Variants in SLC2A9 observed in about 807,000 individuals in gnomAD.
The protein encoded by SLC2A9 is solute carrier family 2 member 9, also known as solute carrier family 2, facilitated glucose transporter member 9.
A neutral mutation model predicts 50.6 loss-of-function variants in SLC2A9; 39 were observed. That is an observed-to-expected ratio of 0.77 (90% CI 0.60 to 1.01). The LOEUF (loss-of-function observed/expected upper bound fraction) is 1.01, where lower values mean the gene tolerates loss of function less well. Among genes scored for constraint, SLC2A9 ranks in the 50% least tolerant of loss-of-function variants. The pLI is 0.00. For missense variants in SLC2A9, 686 were observed against 677.6 expected (o/e 1.01, Z -0.14); for synonymous variants, 324 against 276.9 (o/e 1.17, Z -1.69).
intron 1 of SLC2A9, among the ~76,000 whole-genome samples, chr4:10,039,428 C>T (rs191581704): frequency 3.3e-5 from 5 of 152,230 alleles, no homozygotes; most frequent in Admixed American, 1.3e-4. Flanking sequence ...TCCAACAAAA[C>T]CTGTAGTTTC....
At chr4:9,922,609 G>A (rs1394532137) in intron 6 of SLC2A9, among the ~76,000 whole-genome samples, 1 of 152,052 alleles carries the variant, frequency 6.6e-6, no homozygotes, top group Admixed American at 6.5e-5. Context: ...GCAGTCCAAG[G>A]GCCCAGCCAT....
At chr4:9,842,767 TTATG>T (rs1162815731) in intron 10 of SLC2A9, among the ~76,000 whole-genome samples, 1 of 152,198 alleles carries the variant, frequency 6.6e-6, no homozygotes, top group African/African-American at 2.4e-5. Context: ...CCCCAAATAA[TTATG>T]TATGTGGGTC....
chr4:9,819,654 C>T (rs745736591), intron 3 of SLC2A9, among the ~76,000 whole-genome samples: 1 of 152,210 alleles, frequency 6.6e-6, no homozygotes, highest in Non-Finnish European at 1.5e-5. Flanking sequence ...TATCTTTTGG[C>T]CCGGTGTGGT....
At chr4:9,884,071 C>T (rs1156506058) in intron 10 of SLC2A9, among the ~76,000 whole-genome samples, 1 of 152,220 alleles carries the variant, frequency 6.6e-6, no homozygotes, top group East Asian at 1.9e-4. Context: ...TGCATGTGCT[C>T]ATCTACCTGG....
At chr4:9,782,291 C>A (rs148402761) in intron 3 of SLC2A9, 6 of 1,614,016 alleles carry the variant, frequency 3.7e-6, no homozygotes, top group Admixed American at 1.7e-5. Flanking sequence ...CGTGTCAGAC[C>A]TTTTCGTGGC....
At chr4:10,025,797 G>C (rs945961165), upstream of SLC2A9, 6 of 1,063,050 alleles carry the variant, frequency 5.6e-6, no homozygotes, top group Non-Finnish European at 7.1e-6. Context: ...TCTTTTCTCT[G>C]CCCAGCTTCA....
At chr4:9,776,425 C>T (rs1267576478), downstream of SLC2A9, among the ~76,000 whole-genome samples, 1 of 152,058 alleles carries the variant, frequency 6.6e-6, no homozygotes, top group African/African-American at 2.4e-5. Flanking sequence ...TTTCCTGCCA[C>T]TGCCCTGAGC....
At chr4:9,887,820 A>T (rs1437333476) in intron 9 of SLC2A9, among the ~76,000 whole-genome samples, 178 bp from the exon 10 acceptor site, 1 of 152,166 alleles carries the variant, frequency 6.6e-6, no homozygotes, top group Non-Finnish European at 1.5e-5. Context: ...CGGTCACTCC[A>T]TCTGCTTATT....
At chr4:9,990,161 G>A (rs560592783) in intron 3 of SLC2A9, among the ~76,000 whole-genome samples, 1 of 152,214 alleles carries the variant, frequency 6.6e-6, no homozygotes, top group African/African-American at 2.4e-5. Context: ...CTGAGTGCTT[G>A]GCACATAGAA....
intron 8 of SLC2A9, among the ~76,000 whole-genome samples, chr4:9,906,214 T>C (rs908409832): frequency 3.3e-5 from 5 of 152,094 alleles, no homozygotes; most frequent in Admixed American, 3.3e-4. Context: ...AATAACTTAC[T>C]TGGGGGTCAC....
downstream of SLC2A9, among the ~76,000 whole-genome samples, chr4:9,775,226 A>T (rs934914003): frequency 1.3e-5 from 2 of 152,194 alleles, no homozygotes; most frequent in African/African-American, 4.8e-5. Context: ...ACCTCTCCAC[A>T]TGACCCTCAC....
At chr4:9,852,075 C>T (rs959088171) in intron 10 of SLC2A9, among the ~76,000 whole-genome samples, 3 of 151,962 alleles carry the variant, frequency 2.0e-5, no homozygotes, top group African/African-American at 7.3e-5. Flanking sequence ...ATGAACATCC[C>T]CAAGATACAT....
intron 11 of SLC2A9, among the ~76,000 whole-genome samples, chr4:9,829,485 AAG>A (rs1553828498): frequency 8.6e-5 from 13 of 151,526 alleles, no homozygotes; most frequent in African/African-American, 2.7e-4. Context: ...AAAAAAAAAA[AAG>A]AAGAGCAACA....
At chr4:10,007,654 T>C (rs982805445) in intron 2 of SLC2A9, among the ~76,000 whole-genome samples, 12 of 152,232 alleles carry the variant, frequency 7.9e-5, no homozygotes, top group African/African-American at 2.9e-4. Flanking sequence ...GAACATTCTT[T>C]TGAGAGGTTG....
chr4:9,975,022 T>C (rs1283747693), intron 5 of SLC2A9, among the ~76,000 whole-genome samples: 4 of 152,162 alleles, frequency 2.6e-5, no homozygotes, highest in Non-Finnish European at 5.9e-5. Context: ...TCCTATTCAA[T>C]AAATGGTGCT....
At chr4:9,871,254 A>G (rs56275585) in intron 10 of SLC2A9, among the ~76,000 whole-genome samples, 18,709 of 151,970 alleles carry the variant, frequency 0.12, 1,364 homozygotes, top group African/African-American at 0.18. Flanking sequence ...AGCTATGTAG[A>G]GGATTAGGAA....
intron 11 of SLC2A9, among the ~76,000 whole-genome samples, chr4:9,831,712 C>T (rs559150010): frequency 1.3e-5 from 2 of 152,294 alleles, no homozygotes; most frequent in East Asian, 1.9e-4. Flanking sequence ...AAGCTGCTGA[C>T]CTTGAAGGGC....
chr4:9,846,892 T>A (rs1729079925), intron 10 of SLC2A9, among the ~76,000 whole-genome samples: 1 of 152,230 alleles, frequency 6.6e-6, no homozygotes, highest in South Asian at 2.1e-4. Context: ...CTTAAAAATC[T>A]CCACAAGTGT....
chr4:10,029,356 C>T (rs1763857289), intron 1 of SLC2A9: 1 of 152,200 alleles, frequency 6.6e-6, no homozygotes, highest in African/African-American at 2.4e-5. Flanking sequence ...CCATTGGCTT[C>T]TCAGTGCCTC....
Sources: gnomAD v4.1 joint callset for allele counts (sites outside exome capture counted in the v4.1 genomes callset) on GRCh38, gnomAD v4.1.1 for gene constraint, MANE v1.5 for transcripts, NCBI Gene and HGNC (gene_info 2026-07-23, HGNC 2026-07-21) for gene names.